Variants in KCTD20 observed in about 807,000 individuals in gnomAD.
KCTD20 encodes the protein BTB/POZ domain-containing protein KCTD20.
A neutral mutation model predicts 39.6 loss-of-function variants in KCTD20; 30 were observed. The ratio of observed to expected loss-of-function variants is 0.76; its 90% confidence interval spans 0.57 to 1.03. The LOEUF (loss-of-function observed/expected upper bound fraction) is 1.03. KCTD20 is among the 50% of genes least tolerant of loss of function. The pLI is 0.00. For missense variants in KCTD20, 422 were observed against 522.0 expected (o/e 0.81, Z 1.87); for synonymous variants, 162 against 180.6 (o/e 0.90, Z 0.83).
intron 1 of KCTD20, among the ~76,000 whole-genome samples, chr6:36,448,345 AATT>A (rs1263027888): frequency 6.6e-6 from 1 of 152,198 alleles, no homozygotes. Flanking sequence ...AGTTACAATG[AATT>A]ATTGTTGCAT....
intron 2 of KCTD20, among the ~76,000 whole-genome samples, chr6:36,472,506 A>G (rs1039073680): frequency 1.3e-5 from 2 of 152,136 alleles, no homozygotes; most frequent in Admixed American, 6.5e-5. Flanking sequence ...TTTATAAACA[A>G]GAGGAATGGG....
chr6:36,487,338 C>G lies in KCTD20; in HGVS notation c.*163C>G. 2.9e-6 allele frequency: 2 copies of G among 683,206 alleles called. No homozygotes were observed. The highest frequency in any genetic ancestry group is 2.1e-5 in the South Asian group (1 of 48,770). 42.3% of individuals were successfully genotyped at this position (683,206 alleles called of 1,614,324 possible). A position where few individuals can be genotyped will look rare whatever the true frequency, so the allele number is the denominator to read the frequency against. On this transcript the variant is annotated 3_prime_UTR_variant, in exon 8 of 8. Coordinates refer to ENST00000373731, the MANE Select transcript of KCTD20 (RefSeq NM_173562.5). ...TATGTCCTTTTCAGTAAGTCCATGC[C>G]TCTGGCAGGGGATGAAGAAGTACTC...
chr6:36,473,590 A>G (rs1444960151), intron 2 of KCTD20, among the ~76,000 whole-genome samples: 3 of 151,922 alleles, frequency 2.0e-5, no homozygotes, highest in East Asian at 2.0e-4. Flanking sequence ...AGCTAACACG[A>G]TGAAACCTTG....
At chr6:36,462,811 A>G (rs6457920) in intron 1 of KCTD20, among the ~76,000 whole-genome samples, 40,020 of 152,058 alleles carry the variant, frequency 0.26, 5,844 homozygotes, top group African/African-American at 0.39. Context: ...CTCCTAGACA[A>G]TTTTAGTAAC....
At position 36,474,894 on chromosome 6, in the gene KCTD20, G is replaced by T; in HGVS notation, c.266G>T (p.Arg89Leu). The change falls in exon 3 of 8, where the codon CGG (arginine) becomes CTG (leucine). Residue 89 changes from arginine to leucine, a missense_variant. Transcript: ENST00000373731. ...KGSCFQSGNKRNHEPFIAPER... is the reference protein window; with the variant it reads ...KGSCFQSGNKLNHEPFIAPER... ...TCTTGCTTCCAAAGTGGGAATAAACGGAACCATGAACCTTTTATTGCTCCA... is the reference window on the plus strand; with the variant it reads ...TCTTGCTTCCAAAGTGGGAATAAACTGAACCATGAACCTTTTATTGCTCCA... 1 of 1,614,138 alleles carries T rather than the reference G, an allele frequency of 6.2e-7. No individual in the cohort carries two copies. Among genetic ancestry groups the T allele is most frequent in the Non-Finnish European group, 8.5e-7 (1 of 1,180,032 alleles).
At chr6:36,480,401 T>C (rs995253162) in intron 5 of KCTD20, among the ~76,000 whole-genome samples, 1 of 149,444 alleles carries the variant, frequency 6.7e-6, no homozygotes, top group Non-Finnish European at 1.5e-5. Flanking sequence ...CTCCTGATCA[T>C]GATATTGCCT....
At chr6:36,445,145 C>A (rs989968565) in intron 1 of KCTD20, among the ~76,000 whole-genome samples, 3 of 151,700 alleles carry the variant, frequency 2.0e-5, no homozygotes, top group African/African-American at 7.3e-5. Flanking sequence ...ACCTGTAATC[C>A]CAGCTACACG....
At chr6:36,454,605 G>A (rs1433002050) in intron 1 of KCTD20, among the ~76,000 whole-genome samples, 5 of 151,566 alleles carry the variant, frequency 3.3e-5, no homozygotes, top group Non-Finnish European at 7.4e-5. Flanking sequence ...GCCTCCCAAA[G>A]TGCTGGGATT....
chr6:36,486,607 T>C (rs1776430606), intron 7 of KCTD20, among the ~76,000 whole-genome samples: 1 of 152,234 alleles, frequency 6.6e-6, no homozygotes. Flanking sequence ...CCTGAACTGG[T>C]AAGAGGCTTC....
At chr6:36,475,397 C>A (rs918977037) in intron 3 of KCTD20, among the ~76,000 whole-genome samples, 1 of 150,826 alleles carries the variant, frequency 6.6e-6, no homozygotes, top group African/African-American at 2.4e-5. Flanking sequence ...TGCAGTGAGC[C>A]GAGACTGCAC....
At chr6:36,462,825 C>G (rs1775639602) in intron 1 of KCTD20, among the ~76,000 whole-genome samples, 1 of 152,196 alleles carries the variant, frequency 6.6e-6, no homozygotes, top group South Asian at 2.1e-4. Flanking sequence ...TAGTAACCTT[C>G]TCTTATAGCC....
At chr6:36,449,626 TC>T (rs1775176472) in intron 1 of KCTD20, among the ~76,000 whole-genome samples, 1 of 152,162 alleles carries the variant, frequency 6.6e-6, no homozygotes, top group South Asian at 2.1e-4. Flanking sequence ...GTTCTCCAAG[TC>T]CCCACTCGAC....
chr6:36,445,261 CAAAAA>C (rs34039126), intron 1 of KCTD20, among the ~76,000 whole-genome samples: 1 of 79,768 alleles, frequency 1.3e-5, no homozygotes, highest in Non-Finnish European at 2.6e-5. Flanking sequence ...GACTCCGTCT[CAAAAA>C]AAAAAAAAAA....
At chr6:36,455,556 T>C (rs765782884) in intron 1 of KCTD20, among the ~76,000 whole-genome samples, 1 of 152,014 alleles carries the variant, frequency 6.6e-6, no homozygotes, top group Non-Finnish European at 1.5e-5. Context: ...CTTATTTGCT[T>C]TCTCTATTAG....
rs1358183585 is a variant in KCTD20 at position 36,481,701 on chromosome 6, G to A, written c.798G>A (p.Glu266=). Residue 266 remains glutamate, a synonymous_variant, in exon 6 of 8, where the codon GAG becomes GAA. Coordinates refer to ENST00000373731, the MANE Select transcript of KCTD20 (RefSeq NM_173562.5). Reference sequence around the variant, plus strand: ...GCCACATTGTTGTGCTGACGGATGAGGATTCTGTGGACTGGGATGAAGACC... The same window carrying A: ...GCCACATTGTTGTGCTGACGGATGAAGATTCTGTGGACTGGGATGAAGACC... ...RECHIVVLTD[E]DSVDWDEDHP... The A allele has an allele frequency of 1.2e-6, 2 of 1,614,110 alleles. No individual in the cohort carries two copies. The highest frequency in any genetic ancestry group is 2.7e-5 in the African/African-American group (2 of 74,932).
At chr6:36,482,945 C>CAAA (rs1193405719) in intron 6 of KCTD20, among the ~76,000 whole-genome samples, 1 of 82,420 alleles carries the variant, frequency 1.2e-5, no homozygotes, top group Middle Eastern at 8.3e-3. Flanking sequence ...GACTACGTCT[C>CAAA]AAAAAAAAAA....
chr6:36,481,818 C>T (rs2127454678), intron 6 of KCTD20, 59 bp downstream of exon 6: 2 of 1,413,434 alleles, frequency 1.4e-6, no homozygotes, highest in Non-Finnish European at 2.0e-6. Flanking sequence ...CCTGGAGTAG[C>T]AGCTTGATCC....
chr6:36,452,403 T>C (rs978548999), intron 1 of KCTD20, among the ~76,000 whole-genome samples: 1 of 152,216 alleles, frequency 6.6e-6, no homozygotes, highest in Non-Finnish European at 1.5e-5. Context: ...CAATAAATTA[T>C]AGAATATTCA....
At chr6:36,446,182 A>T (rs904645913) in intron 1 of KCTD20, among the ~76,000 whole-genome samples, 1 of 151,922 alleles carries the variant, frequency 6.6e-6, no homozygotes, top group South Asian at 2.1e-4. Context: ...GCCCGCTACC[A>T]TGCCCGGCTA....
Sources: gnomAD v4.1 joint callset for allele counts (sites outside exome capture counted in the v4.1 genomes callset) on GRCh38, gnomAD v4.1.1 for gene constraint, MANE v1.5 for transcripts, NCBI Gene and HGNC (gene_info 2026-07-23, HGNC 2026-07-21) for gene names.